Variants in PDGFD observed in about 807,000 individuals in gnomAD.
PDGFD encodes the protein platelet derived growth factor D, also known as platelet-derived growth factor D.
PDGFD carries 30 observed loss-of-function variants against 44.7 expected under a neutral mutation model. That is an observed-to-expected ratio of 0.67 (90% CI 0.50 to 0.91). The LOEUF is 0.91. Among genes scored for constraint, PDGFD ranks in the 40% least tolerant of loss-of-function variants. The pLI is 0.00. For missense variants in PDGFD, 445 were observed against 457.8 expected, an observed-to-expected ratio of 0.97 and a Z score of 0.25; for synonymous variants, 173 against 168.4, an observed-to-expected ratio of 1.03 and a Z score of -0.21.
At chr11:104,015,718 C>T (rs1458492450) in intron 1 of PDGFD, among the ~76,000 whole-genome samples, 1 of 152,152 alleles carries the variant, frequency 6.6e-6, no homozygotes, top group African/African-American at 2.4e-5. Flanking sequence ...TATTAGTATG[C>T]ACTGAACTCC....
At chr11:104,007,688 A>G (rs919877043) in intron 1 of PDGFD, among the ~76,000 whole-genome samples, 3 of 152,242 alleles carry the variant, frequency 2.0e-5, no homozygotes, top group Admixed American at 2.0e-4. Flanking sequence ...AGGAAATTCC[A>G]AACTTACAAA....
intron 6 of PDGFD, among the ~76,000 whole-genome samples, chr11:103,923,878 T>C (rs1173148013): frequency 6.6e-6 from 1 of 152,156 alleles, no homozygotes; most frequent in Non-Finnish European, 1.5e-5. Context: ...GAAGTAAAAA[T>C]ATTAGGACAC....
intron 1 of PDGFD, among the ~76,000 whole-genome samples, chr11:104,021,652 C>T (rs979906926): frequency 2.0e-5 from 3 of 152,162 alleles, no homozygotes; most frequent in Admixed American, 2.0e-4. Context: ...TGGGAGCCAG[C>T]ACCATCCAAT....
At chr11:103,957,176 G>T (rs1015960596) in intron 3 of PDGFD, among the ~76,000 whole-genome samples, 1 of 152,072 alleles carries the variant, frequency 6.6e-6, no homozygotes, top group African/African-American at 2.4e-5. Flanking sequence ...TTCTTCTAGG[G>T]TTTTTATGGT....
intron 1 of PDGFD, among the ~76,000 whole-genome samples, chr11:104,072,510 G>A (rs1437100823): frequency 2.0e-5 from 3 of 151,734 alleles, no homozygotes; most frequent in East Asian, 1.9e-4. Flanking sequence ...GTATACAATC[G>A]TATCATCTAC....
At chr11:103,964,401 C>T (rs556810763) in intron 3 of PDGFD, among the ~76,000 whole-genome samples, 3 of 152,234 alleles carry the variant, frequency 2.0e-5, no homozygotes, top group African/African-American at 7.2e-5. Context: ...CAAACTATTG[C>T]TATTTCAGAA....
chr11:103,909,515 GAT>G lies in PDGFD; in HGVS notation c.*177_*178del. ...TATATTCTTAGGTATAGAAGTTGATGATATACCTTTCTACTTGCCATGGCATT... is the reference window on the plus strand; with the variant it reads ...TATATTCTTAGGTATAGAAGTTGATGATACCTTTCTACTTGCCATGGCATT... On this transcript the variant is annotated 3_prime_UTR_variant, in exon 7 of 7. Transcript: ENST00000393158. 1 of 688,728 alleles carries G rather than the reference GAT, an allele frequency of 1.5e-6. No individual in the cohort carries two copies. The highest frequency in any genetic ancestry group is 2.5e-6 in the Non-Finnish European group (1 of 404,188). The allele number at this position is 688,728 out of a possible 1,614,324, so 42.7% of individuals were successfully genotyped here.
intron 3 of PDGFD, among the ~76,000 whole-genome samples, chr11:103,968,789 C>T (rs1859057192): frequency 6.6e-6 from 1 of 152,200 alleles, no homozygotes; most frequent in African/African-American, 2.4e-5. Context: ...CCAAGCCCCA[C>T]ATCTTTCAGA....
In PDGFD at chr11:104,085,619, G is replaced by T. The variant is rs1861118334; in HGVS notation, c.124+78185C>A. Among the ~76,000 whole-genome samples the T allele has an allele frequency of 2.0e-5, 3 of 152,046 alleles. No homozygotes were observed. In the East Asian group the frequency reaches 5.8e-4, roughly 29 times the overall value. The stretch of plus-strand genomic sequence containing the variant: ...TAGAAATAGCAATAACAAACCCATT[G>T]CATGTTAATAGAAATAACATAATTT... On this transcript the variant is annotated intron_variant, in intron 1 of 6. Transcript: ENST00000393158.
At chr11:104,123,316 A>G (rs1041802389) in intron 1 of PDGFD, among the ~76,000 whole-genome samples, 2 of 152,002 alleles carry the variant, frequency 1.3e-5, no homozygotes, top group African/African-American at 4.8e-5. Context: ...TTTTTTTTCT[A>G]TAACAGAGCC....
intron 1 of PDGFD, among the ~76,000 whole-genome samples, chr11:104,090,985 A>G (rs540432219): frequency 4.5e-4 from 68 of 152,188 alleles, no homozygotes; most frequent in Non-Finnish European, 8.1e-4. Flanking sequence ...GTTTCTCAAA[A>G]GCCCCCCCAT....
chr11:104,126,453 C>T (rs1268159890), intron 1 of PDGFD, among the ~76,000 whole-genome samples: 1 of 152,146 alleles, frequency 6.6e-6, no homozygotes, highest in Non-Finnish European at 1.5e-5. Context: ...GGAAGATATA[C>T]ACTATTCATC....
intron 1 of PDGFD, among the ~76,000 whole-genome samples, chr11:104,158,862 A>C (rs915181670): frequency 6.8e-6 from 1 of 147,898 alleles, no homozygotes; most frequent in African/African-American, 2.5e-5. Context: ...AGTTATGATA[A>C]AGAACTATTT....
intron 1 of PDGFD, among the ~76,000 whole-genome samples, chr11:104,002,896 T>A (rs972769179): frequency 6.6e-6 from 1 of 152,230 alleles, no homozygotes; most frequent in African/African-American, 2.4e-5. Flanking sequence ...AAGGTAACCA[T>A]GAGTCTAAAT....
At chr11:103,945,141 C>T (rs915326235) in intron 4 of PDGFD, among the ~76,000 whole-genome samples, 51 of 152,172 alleles carry the variant, frequency 3.4e-4, no homozygotes, top group African/African-American at 1.1e-3. Flanking sequence ...ACGGAAGAAT[C>T]CAGAGATTTA....
At chr11:103,924,394 C>G (rs1013860749) in intron 6 of PDGFD, among the ~76,000 whole-genome samples, 2 of 152,174 alleles carry the variant, frequency 1.3e-5, no homozygotes, top group African/African-American at 4.8e-5. Flanking sequence ...AGGACAACAT[C>G]CAATCTAGAG....
chr11:104,018,741 G>A (rs1040220650), intron 1 of PDGFD, among the ~76,000 whole-genome samples: 2 of 152,172 alleles, frequency 1.3e-5, no homozygotes, highest in African/African-American at 2.4e-5. Flanking sequence ...CATGCCCCAA[G>A]TGTGGTTTAC....
At chr11:103,913,714 G>A (rs1858068115) in intron 6 of PDGFD, among the ~76,000 whole-genome samples, 1 of 152,184 alleles carries the variant, frequency 6.6e-6, no homozygotes, top group Non-Finnish European at 1.5e-5. Flanking sequence ...GAATCCAGGA[G>A]CTGGTTTTTT....
At chr11:104,000,942 G>A (rs536932031) in intron 1 of PDGFD, among the ~76,000 whole-genome samples, 14 of 151,784 alleles carry the variant, frequency 9.2e-5, no homozygotes, top group Non-Finnish European at 1.6e-4. Flanking sequence ...AATTTCTCAC[G>A]TCATAGAAAT....
Sources: gnomAD v4.1 joint callset for allele counts (sites outside exome capture counted in the v4.1 genomes callset) on GRCh38, gnomAD v4.1.1 for gene constraint, MANE v1.5 for transcripts, NCBI Gene and HGNC (gene_info 2026-07-23, HGNC 2026-07-21) for gene names.